DENND4C: variants seen among roughly 807,000 people sequenced by gnomAD.
DENND4C encodes the protein DENN domain containing 4C, also known as DENN domain-containing protein 4C.
In DENND4C, 108 loss-of-function variants were observed where a neutral mutation model predicts 203.0. The observed-to-expected ratio is 0.53, with a 90% CI of 0.46 to 0.62. The LOEUF (loss-of-function observed/expected upper bound fraction) is 0.62, where lower values mean the gene tolerates loss of function less well. DENND4C is among the 20% of genes least tolerant of loss of function. The probability of loss-of-function intolerance (pLI) is 0.00; values close to 1 mark genes in which losing one functional copy is unlikely to be tolerated. For synonymous variants in DENND4C, 871 were observed against 792.4 expected (o/e 1.10, Z -1.67); for missense variants, 2,481 against 2,301.2 (o/e 1.08, Z -1.60).
chr9:19,337,980 G>C (rs1820852150), intron 20 of DENND4C, among the ~76,000 whole-genome samples: 1 of 152,142 alleles, frequency 6.6e-6, no homozygotes, highest in South Asian at 2.1e-4. Context: ...AATTGTTTCA[G>C]CTGTTAAGGT....
chr9:19,369,603 CA>C (rs1290114555), intron 30 of DENND4C, among the ~76,000 whole-genome samples: 1 of 151,564 alleles, frequency 6.6e-6, no homozygotes, highest in Non-Finnish European at 1.5e-5. Context: ...CCTATCTCTA[CA>C]AAAAATACAA....
Position 19,336,693 on chromosome 9 carries a change from A to G in DENND4C, c.2742A>G (p.Gln914=), listed in dbSNP as rs745725304. 1.4e-5 allele frequency: 21 copies of G among 1,550,786 alleles called. No homozygotes were observed. Among genetic ancestry groups the G allele is most frequent in the Admixed American group, 5.9e-5 (3 of 50,932 alleles). ...TATTGTCCTTATCTTTAGCTCTTCA[A>G]AATGTCACAGGTGGAAGTGATGGGG... ...RSQVSSISAL[Q]NVTGGSDGDT... is the part of the protein sequence containing the mutation. Residue 914 remains glutamine, a synonymous_variant, in exon 20 of 33, where the codon CAA becomes CAG. Transcript: ENST00000434457.
chr9:19,247,826 A>G (rs571169023), intron 1 of DENND4C, among the ~76,000 whole-genome samples: 5 of 152,306 alleles, frequency 3.3e-5, no homozygotes, highest in African/African-American at 2.4e-5. Context: ...AAATGGTACT[A>G]TCGTTTACCC....
At chr9:19,234,343 G>A (rs1249450737) in intron 1 of DENND4C, among the ~76,000 whole-genome samples, 1 of 151,774 alleles carries the variant, frequency 6.6e-6, no homozygotes, top group African/African-American at 2.4e-5. Flanking sequence ...CGATTCTCCT[G>A]TCTCACCCTC....
intron 1 of DENND4C, among the ~76,000 whole-genome samples, chr9:19,232,165 G>A (rs1378089955): frequency 3.3e-5 from 5 of 152,116 alleles, no homozygotes; most frequent in Non-Finnish European, 7.3e-5. Flanking sequence ...TAAAGAGTTG[G>A]TAAACTGCCG....
intron 23 of DENND4C, among the ~76,000 whole-genome samples, chr9:19,347,904 A>T (rs1448933703): frequency 1.3e-5 from 2 of 152,196 alleles, no homozygotes; most frequent in Non-Finnish European, 2.9e-5. Context: ...AATTGTCTTT[A>T]AAAAAACGTT....
intron 1 of DENND4C, among the ~76,000 whole-genome samples, chr9:19,264,699 T>C (rs1830127920): frequency 6.6e-6 from 1 of 152,176 alleles, no homozygotes; most frequent in African/African-American, 2.4e-5. Flanking sequence ...CTTTTTTTCT[T>C]AGTCTGGCTA....
At chr9:19,260,513 T>C (rs1271486460) in intron 1 of DENND4C, among the ~76,000 whole-genome samples, 2 of 152,112 alleles carry the variant, frequency 1.3e-5, no homozygotes, top group Non-Finnish European at 2.9e-5. Context: ...TTCTCCCACC[T>C]CAGCCTCCCG....
rs569245730 is a variant in DENND4C, at chr9:19,244,600, C to T, written c.-18+13767C>T. 5.3e-5 allele frequency among the ~76,000 whole-genome samples: 8 copies of T among 151,926 alleles called. No individual in the cohort carries two copies. In the East Asian group the frequency reaches 7.8e-4, roughly 15 times the overall value. ...CTAAAAATACAAAAAATTAGCCGGG[C>T]GTGGTTGCACGTGACTGTAGTCTCA... On this transcript the variant is annotated intron_variant, in intron 1 of 32. Transcript: ENST00000434457.
At chr9:19,282,715 C>CTTTTTTTTTTTTTTT (rs1554717864) in intron 2 of DENND4C, among the ~76,000 whole-genome samples, 3 of 86,638 alleles carry the variant, frequency 3.5e-5, no homozygotes, top group African/African-American at 1.3e-4. Flanking sequence ...TTTCTTCTCT[C>CTTTTTTTTTTTTTTT]TTTTTTTTTT....
chr9:19,358,705 A>C lies in DENND4C; in HGVS notation c.5160+545A>C, dbSNP rs1053899588. Among the ~76,000 whole-genome samples, 8 of 151,846 alleles carry C rather than the reference A, an allele frequency of 5.3e-5. No homozygotes were observed. Among genetic ancestry groups the C allele is most frequent in the African/African-American group, 1.9e-4 (8 of 41,142 alleles). ...ATTGCACTTGGTTGATATAGTTTTT[A>C]GTCTTTTTGAATCTGTAGACTCTTT... On this transcript the variant is annotated intron_variant, in intron 28 of 32. Coordinates refer to ENST00000434457, the MANE Select transcript of DENND4C (RefSeq NM_001330640.2). The surrounding 1 kb of genome is among the most constrained non-coding windows in gnomAD (Gnocchi z 4.8).
At chr9:19,238,087 T>C (rs77078804) in intron 1 of DENND4C, among the ~76,000 whole-genome samples, 29,655 of 150,552 alleles carry the variant, frequency 0.2, 2,947 homozygotes, top group Admixed American at 0.22. Flanking sequence ...TTCTTTCTTT[T>C]TTTTTTTTTT....
chr9:19,318,353 T>TA (rs1264078493), intron 12 of DENND4C, among the ~76,000 whole-genome samples: 1 of 151,994 alleles, frequency 6.6e-6, no homozygotes, highest in Non-Finnish European at 1.5e-5. Flanking sequence ...AATAAATAAA[T>TA]AAAGTTTTCT....
At chr9:19,336,528 C>T in intron 19 of DENND4C, 114 bp downstream of exon 19, 3 of 1,435,846 alleles carry the variant, frequency 2.1e-6, no homozygotes, top group East Asian at 5.0e-5. Flanking sequence ...TTTTCACATA[C>T]ATTTAAAGAC....
At chr9:19,280,719 T>A (rs1364912111) in intron 2 of DENND4C, among the ~76,000 whole-genome samples, 3 of 151,646 alleles carry the variant, frequency 2.0e-5, no homozygotes, top group Non-Finnish European at 2.9e-5. Flanking sequence ...ATTAAAAAAA[T>A]TGTTTTTTTT....
intron 17 of DENND4C, among the ~76,000 whole-genome samples, chr9:19,334,252 T>C (rs1819918055): frequency 6.6e-6 from 1 of 152,106 alleles, no homozygotes; most frequent in South Asian, 2.1e-4. Flanking sequence ...AGTTTCACTG[T>C]GTTGGCCAGG....
chr9:19,334,195 G>A (rs1819906019), intron 17 of DENND4C, among the ~76,000 whole-genome samples: 1 of 152,116 alleles, frequency 6.6e-6, no homozygotes, highest in African/African-American at 2.4e-5. Context: ...ACAAGTGCGT[G>A]CCACCACGCC....
intron 14 of DENND4C, 39 bp from the exon 15 acceptor site, chr9:19,326,025 T>G: frequency 1.1e-5 from 17 of 1,608,290 alleles, no homozygotes; most frequent in Non-Finnish European, 1.4e-5. Context: ...TAGATCTTGT[T>G]TGTATGCAAA....
intron 22 of DENND4C, among the ~76,000 whole-genome samples, chr9:19,344,647 G>A (rs1234044775): frequency 6.6e-6 from 1 of 152,100 alleles, no homozygotes; most frequent in African/African-American, 2.4e-5. Context: ...GACTACAGGC[G>A]AATGCCACCA....
Sources: gnomAD v4.1 joint callset for allele counts (sites outside exome capture counted in the v4.1 genomes callset) on GRCh38, gnomAD v4.1.1 for gene constraint, Gnocchi (gnomAD v3.1) non-coding constraint, MANE v1.5 for transcripts, NCBI Gene and HGNC (gene_info 2026-07-23, HGNC 2026-07-21) for gene names.